The following BRINP1 variants were observed in gnomAD, a reference collection of about 807,000 sequenced individuals.
BRINP1 encodes BMP/retinoic acid inducible neural specific 1, also known as BMP/retinoic acid-inducible neural-specific protein 1.
In BRINP1, 17 loss-of-function variants were observed where a neutral mutation model predicts 72.9. That is an observed-to-expected ratio of 0.23 (90% CI 0.16 to 0.35). BRINP1 has a LOEUF of 0.35. Ranked by LOEUF, BRINP1 falls within the 10% of genes least tolerant of loss-of-function variation. The pLI, the probability that BRINP1 is intolerant of heterozygous loss-of-function variation, is 1.00. For missense variants in BRINP1, 850 were observed against 1,001.6 expected (o/e 0.85, Z 2.04); for synonymous variants, 418 against 378.5 (o/e 1.10, Z -1.21).
chr9:119,189,323 C>T (rs564715508), intron 7 of BRINP1, among the ~76,000 whole-genome samples: 7 of 152,114 alleles, frequency 4.6e-5, no homozygotes, highest in East Asian at 3.9e-4. Flanking sequence ...TAAATTCTTC[C>T]GTATCAATAA....
At position 119,167,930 on chromosome 9, in the gene BRINP1, GTCA is replaced by G; in HGVS notation, c.1437_1439del (p.Asp480del). ...TCAGCTCCAGGTCCTGGAAGTCCAG[GTCA>G]GTCTCAAAGCTGATGAACTGCTCGC... On this transcript the variant is annotated inframe_deletion, in exon 8 of 8. Transcript: ENST00000265922. This position sits in a 1 kb window ranked among gnomAD's most constrained non-coding sequence, Gnocchi z 4.3. 1 of 1,614,228 alleles carries G rather than the reference GTCA, an allele frequency of 6.2e-7. No homozygotes were observed. The highest frequency in any genetic ancestry group is 1.1e-5 in the South Asian group (1 of 91,090).
chr9:119,182,776 T>C (rs934021719), intron 7 of BRINP1, among the ~76,000 whole-genome samples: 5 of 152,204 alleles, frequency 3.3e-5, no homozygotes, highest in Admixed American at 2.0e-4. Flanking sequence ...TATAGCAGCC[T>C]GAACAGACTA....
At chr9:119,288,785 T>G (rs1039109628) in intron 2 of BRINP1, among the ~76,000 whole-genome samples, 13 of 151,886 alleles carry the variant, frequency 8.6e-5, no homozygotes, top group African/African-American at 2.9e-4. Flanking sequence ...TTGTTTGTTT[T>G]TTGTTTTGTT....
At chr9:119,279,201 A>C (rs1275799815) in intron 2 of BRINP1, among the ~76,000 whole-genome samples, 2 of 152,234 alleles carry the variant, frequency 1.3e-5, no homozygotes, top group Non-Finnish European at 2.9e-5. Flanking sequence ...AATAAATTAG[A>C]AGGATGAGTA....
At chr9:119,222,869 G>T (rs1040391795) in intron 5 of BRINP1, among the ~76,000 whole-genome samples, 1 of 151,764 alleles carries the variant, frequency 6.6e-6, no homozygotes, top group Non-Finnish European at 1.5e-5. Flanking sequence ...ACATGAACAT[G>T]TTCTTGAAGC....
chr9:119,366,912 C>T (rs946121364), intron 1 of BRINP1, among the ~76,000 whole-genome samples: 14 of 151,874 alleles, frequency 9.2e-5, no homozygotes, highest in African/African-American at 1.5e-4. Context: ...CTTCCAGTTT[C>T]GATCGTCTGT....
intron 2 of BRINP1, among the ~76,000 whole-genome samples, chr9:119,294,853 T>TA (rs59715609): frequency 0.048 from 6,170 of 127,994 alleles, 473 homozygotes; most frequent in African/African-American, 0.16. Context: ...GACACTACGT[T>TA]AAAAAAAAAA....
Position 119,309,078 on chromosome 9 carries a change from T to C in BRINP1, c.218+4060A>G, listed in dbSNP as rs375453550. Among the ~76,000 whole-genome samples, 19 of 152,264 alleles carry C rather than the reference T, an allele frequency of 1.2e-4. 1 individual carries two copies. Among genetic ancestry groups the C allele is most frequent in the African/African-American group, 4.1e-4 (17 of 41,574 alleles). ...ACCATGAGAATAAAAGAATAATTCC[T>C]AGTAAACAACCAACATCTGAAGTGG... On this transcript the variant is annotated intron_variant, in intron 2 of 7. Transcript: ENST00000265922.
At position 119,168,190 on chromosome 9, in the gene BRINP1, G is replaced by C. The variant is rs749522589; in HGVS notation, c.1180C>G (p.Leu394Val). The C allele has an allele frequency of 3.2e-6, 5 of 1,542,508 alleles. No homozygotes were observed. The highest frequency in any genetic ancestry group is 4.4e-6 in the Non-Finnish European group (5 of 1,144,364). ...AACCCATTCTCATTACAGTAGAGGA[G>C]TGACTGGACCCTTGCAAGCCACTGC... Reference protein sequence around the residue: ...IQQWLARVQSLLYCNENGFWG... With the variant: ...IQQWLARVQSVLYCNENGFWG... The change falls in exon 8 of 8, where the codon CTC becomes GTC. Residue 394 changes from leucine (L) to valine (V), a missense_variant. Physicochemically the swap from Leu to Val is conservative, Grantham distance 32. Transcript: ENST00000265922.
chr9:119,256,010 T>G (rs1387185790), intron 2 of BRINP1, among the ~76,000 whole-genome samples: 1 of 148,770 alleles, frequency 6.7e-6, no homozygotes, highest in East Asian at 2.0e-4. Flanking sequence ...GAACTGGCTC[T>G]GTGCTCTTGG....
intron 5 of BRINP1, among the ~76,000 whole-genome samples, chr9:119,223,871 C>T (rs1258443913): frequency 6.6e-6 from 1 of 152,052 alleles, no homozygotes; most frequent in East Asian, 1.9e-4. Context: ...CAAAGATATT[C>T]TTAAGAGAAC....
intron 2 of BRINP1, among the ~76,000 whole-genome samples, chr9:119,280,991 A>G (rs1323316218): frequency 6.6e-6 from 1 of 152,166 alleles, no homozygotes; most frequent in Non-Finnish European, 1.5e-5. Context: ...CAATGTGCCC[A>G]GGAAATGGAA....
At chr9:119,229,517 T>C (rs992763888) in intron 5 of BRINP1, among the ~76,000 whole-genome samples, 1 of 152,066 alleles carries the variant, frequency 6.6e-6, no homozygotes, top group Non-Finnish European at 1.5e-5. Flanking sequence ...TATTCTACAT[T>C]GTATCTCCTT....
chr9:119,232,261 G>A (rs1830155305), intron 5 of BRINP1, among the ~76,000 whole-genome samples: 1 of 152,138 alleles, frequency 6.6e-6, no homozygotes, highest in Non-Finnish European at 1.5e-5. Context: ...CACCTTCATT[G>A]CAACTGTCAT....
At chr9:119,306,349 G>T (rs1311708304) in intron 2 of BRINP1, among the ~76,000 whole-genome samples, 1 of 152,202 alleles carries the variant, frequency 6.6e-6, no homozygotes, top group African/African-American at 2.4e-5. Context: ...CCAGAAAAAT[G>T]TTTGCTGGAT....
chr9:119,332,269 TTAA>T (rs1278013714), intron 1 of BRINP1, among the ~76,000 whole-genome samples: 1 of 152,168 alleles, frequency 6.6e-6, no homozygotes, highest in Non-Finnish European at 1.5e-5. Flanking sequence ...CCTTACAATA[TTAA>T]TAATAATTTA....
At chr9:119,180,734 T>G (rs1829547601) in intron 7 of BRINP1, among the ~76,000 whole-genome samples, 1 of 152,204 alleles carries the variant, frequency 6.6e-6, no homozygotes, top group Non-Finnish European at 1.5e-5. Flanking sequence ...AACCTGTTTT[T>G]CCTTCTCTCA....
intron 2 of BRINP1, among the ~76,000 whole-genome samples, chr9:119,310,749 G>C (rs185826053): frequency 6.6e-6 from 1 of 152,030 alleles, no homozygotes; most frequent in African/African-American, 2.4e-5. Context: ...AGTTTGTAAC[G>C]TGCCGTGTCC....
intron 6 of BRINP1, among the ~76,000 whole-genome samples, chr9:119,212,995 T>G (rs1314925138): frequency 6.6e-6 from 1 of 151,982 alleles, no homozygotes; most frequent in African/African-American, 2.4e-5. Context: ...TGTTGGCATA[T>G]CTGCACATTT....
Sources: gnomAD v4.1 joint callset for allele counts (sites outside exome capture counted in the v4.1 genomes callset) on GRCh38, gnomAD v4.1.1 for gene constraint, Gnocchi (gnomAD v3.1) non-coding constraint, MANE v1.5 for transcripts, NCBI Gene and HGNC (gene_info 2026-07-23, HGNC 2026-07-21) for gene names.